Variants in THSD7B observed in about 807,000 individuals in gnomAD.
THSD7B encodes the protein thrombospondin type 1 domain containing 7B, also known as thrombospondin type-1 domain-containing protein 7B.
In THSD7B, 138 loss-of-function variants were observed where a neutral mutation model predicts 213.6. The ratio of observed to expected loss-of-function variants is 0.65; its 90% CI spans 0.56 to 0.74. The LOEUF is 0.74. THSD7B is among the 30% of genes least tolerant of loss of function. THSD7B has a pLI of 0.00. For synonymous variants in THSD7B, 742 were observed against 687.0 expected (o/e 1.08, Z -1.25); for missense variants, 1,931 against 1,991.5 (o/e 0.97, Z 0.58).
chr2:137,493,855 A>G (rs1341762802), intron 15 of THSD7B, among the ~76,000 whole-genome samples: 1 of 152,196 alleles, frequency 6.6e-6, no homozygotes, highest in African/African-American at 2.4e-5. Flanking sequence ...CTAGCCCTGG[A>G]TATGATACCC....
intron 9 of THSD7B, among the ~76,000 whole-genome samples, chr2:137,239,403 C>G (rs1375729999): frequency 6.6e-6 from 1 of 152,116 alleles, no homozygotes; most frequent in East Asian, 1.9e-4. Flanking sequence ...TTATGCCACC[C>G]CGGCTCTCAT....
At chr2:137,578,706 A>G (rs1034381410) in intron 17 of THSD7B, among the ~76,000 whole-genome samples, 1 of 152,194 alleles carries the variant, frequency 6.6e-6, no homozygotes, top group Non-Finnish European at 1.5e-5. Context: ...CACAATGTCT[A>G]GGACTGGTTA....
chr2:137,367,720 G>C (rs374636179), intron 12 of THSD7B, among the ~76,000 whole-genome samples: 71 of 152,084 alleles, frequency 4.7e-4, no homozygotes, highest in African/African-American at 1.6e-3. Context: ...AGCATGGTTG[G>C]GTTCTGGTGA....
chr2:137,513,814 G>T (rs1680016095), intron 15 of THSD7B, among the ~76,000 whole-genome samples: 1 of 152,206 alleles, frequency 6.6e-6, no homozygotes, highest in Admixed American at 6.5e-5. Context: ...TGGAAGCTGG[G>T]AATCTCTATG....
intron 12 of THSD7B, among the ~76,000 whole-genome samples, chr2:137,334,044 C>A (rs1189642950): frequency 6.6e-6 from 1 of 152,170 alleles, no homozygotes; most frequent in East Asian, 1.9e-4. Context: ...AGCATGAAAA[C>A]AACCATAGAC....
chr2:136,861,028 A>G (rs1218947557), intron 1 of THSD7B, among the ~76,000 whole-genome samples: 1 of 152,228 alleles, frequency 6.6e-6, no homozygotes, highest in Non-Finnish European at 1.5e-5. Flanking sequence ...CATTTTGTTT[A>G]CTGCTGCATT....
At chr2:137,358,460 C>T (rs554061222) in intron 12 of THSD7B, among the ~76,000 whole-genome samples, 13 of 152,242 alleles carry the variant, frequency 8.5e-5, no homozygotes, top group African/African-American at 3.1e-4. Flanking sequence ...ATTACACCTA[C>T]TCAGAGGACC....
intron 5 of THSD7B, among the ~76,000 whole-genome samples, chr2:137,135,845 A>G (rs974512297): frequency 1.4e-5 from 2 of 142,402 alleles, no homozygotes; most frequent in African/African-American, 5.1e-5. Context: ...GTTATATGCT[A>G]CACTAAAAAA....
At chr2:137,293,184 G>T in intron 12 of THSD7B, among the ~76,000 whole-genome samples, 1 of 151,878 alleles carries the variant, frequency 6.6e-6, no homozygotes, top group Admixed American at 6.6e-5. Context: ...TATCATCCAG[G>T]CTGGAGTGCA....
chr2:137,005,500 C>T (rs1298285008), intron 2 of THSD7B, among the ~76,000 whole-genome samples: 2 of 152,128 alleles, frequency 1.3e-5, no homozygotes, highest in African/African-American at 4.8e-5. Flanking sequence ...GTGCATAGCT[C>T]AGACTGTGTA....
chr2:137,503,766 CCTGTAATCCCACCA>C (rs1679767911), intron 15 of THSD7B, among the ~76,000 whole-genome samples: 1 of 152,082 alleles, frequency 6.6e-6, no homozygotes, highest in South Asian at 2.1e-4. Flanking sequence ...GTAGCTCACG[CCTGTAATCCCACCA>C]CTTTGGGAGG....
intron 15 of THSD7B, among the ~76,000 whole-genome samples, chr2:137,525,807 T>C (rs963794439): frequency 2.0e-5 from 3 of 152,140 alleles, no homozygotes; most frequent in African/African-American, 7.2e-5. Flanking sequence ...GGGGGCTGAA[T>C]AGGTAAGTGG....
chr2:137,170,718 AAT>A (rs1334044449), intron 6 of THSD7B, 21 bp from the exon 7 acceptor site: 2 of 1,598,286 alleles, frequency 1.3e-6, no homozygotes, highest in East Asian at 4.5e-5. Flanking sequence ...ATTCTCTGAA[AAT>A]TCTTTTCTCT....
intron 2 of THSD7B, among the ~76,000 whole-genome samples, chr2:136,939,474 T>C (rs1189519771): frequency 2.0e-5 from 3 of 150,230 alleles, no homozygotes; most frequent in African/African-American, 7.5e-5. Context: ...TACTGGCATG[T>C]ACAACTTTTA....
chr2:137,201,326 G>A (rs1004679411), intron 7 of THSD7B, among the ~76,000 whole-genome samples: 1 of 152,136 alleles, frequency 6.6e-6, no homozygotes, highest in Non-Finnish European at 1.5e-5. Flanking sequence ...TTGCTCCATT[G>A]GTGGGCACTT....
chr2:137,281,348 T>G (rs553864961), intron 12 of THSD7B, among the ~76,000 whole-genome samples: 1 of 152,168 alleles, frequency 6.6e-6, no homozygotes, highest in East Asian at 1.9e-4. Context: ...GGATTACCTT[T>G]AGTTTTATTT....
intron 7 of THSD7B, among the ~76,000 whole-genome samples, chr2:137,183,546 T>C (rs1680494877): frequency 6.6e-6 from 1 of 152,142 alleles, no homozygotes; most frequent in Admixed American, 6.6e-5. Flanking sequence ...CACATTATAG[T>C]CTGAGATCAC....
At position 137,252,579 on chromosome 2, in the gene THSD7B, G is replaced by A. The variant is rs530731461; in HGVS notation, c.2266+10007G>A. On this transcript the variant is annotated intron_variant, in intron 10 of 27. Transcript: ENST00000409968. Reference sequence around the variant, plus strand: ...TCTGAAGTGCTGGGATTACAGGTGTGAGCCACTGTGCCTGGCCCTGGTTTG... The same window carrying A: ...TCTGAAGTGCTGGGATTACAGGTGTAAGCCACTGTGCCTGGCCCTGGTTTG... 6.6e-5 allele frequency among the ~76,000 whole-genome samples: 10 copies of A among 152,304 alleles called. No individual in the cohort carries two copies. In the East Asian group the frequency reaches 1.7e-3, roughly 26 times the overall value.
Position 137,656,928 on chromosome 2 carries a change from A to G in THSD7B, c.4238A>G (p.Asp1413Gly), listed in dbSNP as rs746390754. ...TFIIQSFENQ[D>G]SCPQQVLETR... ...ATAATTCAGTCTTTTGAGAACCAAGACAGCTGCCCCCAACAGGTTCTAGAA... is the reference window on the plus strand; with the variant it reads ...ATAATTCAGTCTTTTGAGAACCAAGGCAGCTGCCCCCAACAGGTTCTAGAA... Residue 1413 changes from aspartate (D) to glycine (G), a missense_variant, in exon 23 of 28, where the codon GAC becomes GGC. Physicochemically the swap from Asp to Gly is moderately conservative, Grantham distance 94 (BLOSUM62 -1). Coordinates refer to ENST00000409968, the MANE Select transcript of THSD7B (RefSeq NM_001316349.2). 1.2e-6 allele frequency: 2 copies of G among 1,614,032 alleles called. No homozygotes were observed. Among genetic ancestry groups the G allele is most frequent in the Admixed American group, 1.7e-5 (1 of 60,030 alleles).
Sources: allele counts gnomAD v4.1 joint callset (sites outside exome capture counted in the v4.1 genomes callset), GRCh38; gene constraint gnomAD v4.1.1; transcripts MANE v1.5; gene names NCBI Gene and HGNC (gene_info 2026-07-23, HGNC 2026-07-21).